SORCS2: variants seen among roughly 807,000 people sequenced by gnomAD.
SORCS2 encodes the protein sortilin related VPS10 domain containing receptor 2, also known as VPS10 domain-containing receptor SorCS2.
SORCS2 carries 100 observed loss-of-function variants against 141.6 expected under a neutral mutation model. The ratio of observed to expected loss-of-function variants is 0.71; its 90% confidence interval spans 0.60 to 0.83. The LOEUF (loss-of-function observed/expected upper bound fraction) is 0.83. SORCS2 is among the 40% of genes least tolerant of loss of function. The probability of loss-of-function intolerance (pLI) is 0.00; values close to 1 mark genes in which losing one functional copy is unlikely to be tolerated. For synonymous variants in SORCS2, 789 were observed against 676.9 expected (o/e 1.17, Z -2.57); for missense variants, 1,646 against 1,560.2 (o/e 1.05, Z -0.93).
chr4:7,602,844 G>A (rs1717820193), intron 3 of SORCS2, among the ~76,000 whole-genome samples: 1 of 152,224 alleles, frequency 6.6e-6, no homozygotes. Context: ...CCGAGATCAC[G>A]CCACTGCACT....
chr4:7,226,257 G>A (rs1728984066), intron 1 of SORCS2, among the ~76,000 whole-genome samples: 1 of 152,164 alleles, frequency 6.6e-6, no homozygotes, highest in Non-Finnish European at 1.5e-5. Context: ...GCCCCTTTGG[G>A]ACTGAGGCTT....
chr4:7,263,411 G>A (rs1464847026), intron 1 of SORCS2, among the ~76,000 whole-genome samples: 2 of 152,172 alleles, frequency 1.3e-5, no homozygotes, highest in Non-Finnish European at 2.9e-5. Flanking sequence ...CCGTCATTCT[G>A]GTTCTGTGAT....
chr4:7,297,402 G>C (rs966460760), intron 1 of SORCS2, among the ~76,000 whole-genome samples: 6 of 151,952 alleles, frequency 3.9e-5, no homozygotes, highest in Non-Finnish European at 2.9e-5. Flanking sequence ...TTTTCTGCAG[G>C]CCCCCGCCCC....
intron 2 of SORCS2, among the ~76,000 whole-genome samples, chr4:7,480,352 G>A (rs1342987288): frequency 6.6e-6 from 1 of 152,198 alleles, no homozygotes; most frequent in Non-Finnish European, 1.5e-5. Context: ...TGGACATGGA[G>A]AAGTGACATT....
chr4:7,362,647 G>A (rs982753689), intron 1 of SORCS2, among the ~76,000 whole-genome samples: 4 of 152,074 alleles, frequency 2.6e-5, no homozygotes, highest in South Asian at 4.1e-4. Context: ...GGCTGACTTT[G>A]CCTGTGGCAG....
At chr4:7,411,250 G>T (rs888304447) in intron 2 of SORCS2, among the ~76,000 whole-genome samples, 1 of 151,828 alleles carries the variant, frequency 6.6e-6, no homozygotes, top group Non-Finnish European at 1.5e-5. Flanking sequence ...CACTGCGCCT[G>T]GCCTCTTCTC....
chr4:7,426,328 G>A (rs1456503937), intron 2 of SORCS2, among the ~76,000 whole-genome samples: 2 of 147,678 alleles, frequency 1.4e-5, no homozygotes, highest in Non-Finnish European at 3.0e-5. Context: ...CGGCTTTGCT[G>A]GCTTTGCAGG....
intron 1 of SORCS2, among the ~76,000 whole-genome samples, chr4:7,272,548 C>G (rs1464994549): frequency 6.6e-6 from 1 of 152,192 alleles, no homozygotes; most frequent in Non-Finnish European, 1.5e-5. Flanking sequence ...GTGAAACAGG[C>G]TAGGACCTGC....
At chr4:7,505,348 G>A (rs1732215107) in intron 2 of SORCS2, among the ~76,000 whole-genome samples, 1 of 152,158 alleles carries the variant, frequency 6.6e-6, no homozygotes, top group Non-Finnish European at 1.5e-5. Context: ...TTCTCAGAAG[G>A]TCTCACTGAA....
rs145802360 is a variant in SORCS2 at position 7,266,151 on chromosome 4, C to T, written c.480+73025C>T. ...AGCTGAGGGACCCTTTTCTGTCCCT[C>T]ACGAGTTGGGTCCAGCTCACCCCAA... On this transcript the variant is annotated intron_variant, in intron 1 of 26. Coordinates refer to ENST00000507866, the MANE Select transcript of SORCS2 (RefSeq NM_020777.3). 4.4e-3 allele frequency among the ~76,000 whole-genome samples: 677 copies of T among 152,282 alleles called. 7 individuals carry two copies. The highest frequency in any genetic ancestry group is 0.015 in the African/African-American group (620 of 41,548).
At chr4:7,374,109 TTCTTTCTTTCTTTCTTTCCC>T (rs61402297) in intron 1 of SORCS2, among the ~76,000 whole-genome samples, 27,129 of 83,280 alleles carry the variant, frequency 0.33, 3,368 homozygotes, top group East Asian at 0.55. Context: ...AGGATTGAGA[TTCTTTCTTTCTTTCTTTCCC>T]TCTTTCTTTC....
At chr4:7,727,547 T>G (rs1727311326) in intron 21 of SORCS2, among the ~76,000 whole-genome samples, 1 of 152,334 alleles carries the variant, frequency 6.6e-6, no homozygotes, top group Non-Finnish European at 1.5e-5. Context: ...AAATATTTAG[T>G]TGGACAAGTG....
chr4:7,591,143 T>C (rs970794044), intron 3 of SORCS2, among the ~76,000 whole-genome samples: 1 of 152,170 alleles, frequency 6.6e-6, no homozygotes, highest in Non-Finnish European at 1.5e-5. Flanking sequence ...TAGCTCACTC[T>C]TCCTGCTTCT....
At chr4:7,667,262 A>C (rs752721360) in intron 8 of SORCS2, 49 bp downstream of exon 8, 2 of 1,544,300 alleles carry the variant, frequency 1.3e-6, no homozygotes, top group Non-Finnish European at 1.8e-6. Context: ...CCCTAAGCTT[A>C]TCCTGACTCA....
chr4:7,734,347 G>T lies in SORCS2; in HGVS notation c.3284G>T (p.Gly1095Val). ...TTTGTCATCGGGCTCTTCGCAGCGG[G>T]AGCCTTCATCCTCTACAAGTTCAAA... ...VLFVIGLFAAGAFILYKFKRK... is the reference protein window; with the variant it reads ...VLFVIGLFAAVAFILYKFKRK... Residue 1095 changes from glycine to valine, a missense_variant, in exon 25 of 27, where the codon GGA becomes GTA. By Grantham distance (109) the Gly-to-Val change is moderately radical (BLOSUM62 -3). Coordinates refer to ENST00000507866, the MANE Select transcript of SORCS2 (RefSeq NM_020777.3). 1.3e-6 allele frequency: 2 copies of T among 1,582,786 alleles called. No individual in the cohort carries two copies. Among genetic ancestry groups the T allele is most frequent in the Non-Finnish European group, 1.7e-6 (2 of 1,164,848 alleles).
chr4:7,729,619 T>G lies in SORCS2; in HGVS notation c.3015T>G (p.Thr1005=). ...GCGTCCCTCAGGAGCTTCTGGTGACTGTGGTGAAGCCGGGGCTGCCCACTT... is the reference window on the plus strand; with the variant it reads ...GCGTCCCTCAGGAGCTTCTGGTGACGGTGGTGAAGCCGGGGCTGCCCACTT... ...ETSVPQELLV[T]VVKPGLPTLA... Residue 1005 remains threonine (T), a synonymous_variant, in exon 23 of 27, where the codon ACT becomes ACG. Transcript: ENST00000507866. 6.3e-7 allele frequency: 1 copy of G among 1,592,854 alleles called. No homozygotes were observed.
chr4:7,434,064 G>T, intron 2 of SORCS2: 1 of 1,611,264 alleles, frequency 6.2e-7, no homozygotes, highest in South Asian at 1.1e-5. Context: ...CCAGGGAGGG[G>T]ACCCCGTCCA....
chr4:7,429,112 TTGG>T (rs1560276645), intron 2 of SORCS2, among the ~76,000 whole-genome samples: 5 of 152,172 alleles, frequency 3.3e-5, no homozygotes, highest in Non-Finnish European at 1.5e-5. Flanking sequence ...GACTTTTGAC[TTGG>T]TGCACTGCAT....
intron 2 of SORCS2, among the ~76,000 whole-genome samples, chr4:7,514,478 G>A (rs183987632): frequency 1.2e-4 from 18 of 151,858 alleles, no homozygotes; most frequent in Non-Finnish European, 2.4e-4. Context: ...GTCAGGTAGC[G>A]ATATGTGCTA....
Sources: allele counts gnomAD v4.1 joint callset (sites outside exome capture counted in the v4.1 genomes callset), GRCh38; gene constraint gnomAD v4.1.1; transcripts MANE v1.5; gene names NCBI Gene and HGNC (gene_info 2026-07-23, HGNC 2026-07-21).